The following FTO variants were observed in gnomAD, a reference collection of about 807,000 sequenced individuals.
FTO encodes FTO alpha-ketoglutarate dependent dioxygenase.
FTO carries 47 observed loss-of-function variants against 63.9 expected under a neutral mutation model. The ratio of observed to expected loss-of-function variants is 0.74; its 90% confidence interval spans 0.58 to 0.94. The LOEUF is 0.94. Ranked by LOEUF, FTO falls within the 40% of genes least tolerant of loss-of-function variation. The pLI is 0.00. For missense variants in FTO, 562 were observed against 618.1 expected (o/e 0.91, Z 0.96); for synonymous variants, 207 against 224.4 (o/e 0.92, Z 0.69).
chr16:53,794,600 C>T (rs2078012699), intron 1 of FTO, among the ~76,000 whole-genome samples: 1 of 152,102 alleles, frequency 6.6e-6, no homozygotes, highest in Admixed American at 6.5e-5. Context: ...AATAAAGGCT[C>T]CACATGGAGG....
chr16:53,720,668 T>A (rs2076018876), intron 1 of FTO, among the ~76,000 whole-genome samples: 1 of 147,948 alleles, frequency 6.8e-6, no homozygotes, highest in Non-Finnish European at 1.5e-5. Context: ...TTTATATATA[T>A]ATAAAAGATA....
rs549845722 is a variant in FTO, at chr16:53,705,471, A to G, written c.45+1242A>G. On this transcript the variant is annotated intron_variant, in intron 1 of 8. Transcript: ENST00000471389. The stretch of plus-strand genomic sequence containing the variant: ...CCTTTGCACATGTCATTTGCTGCCT[A>G]CTCTATGTTAGGCAAATATTGGCAG... Among the ~76,000 whole-genome samples the G allele has an allele frequency of 2.0e-5, 3 of 152,212 alleles. No individual in the cohort carries two copies. In the South Asian group the frequency reaches 6.2e-4, roughly 32 times the overall value.
chr16:54,019,576 A>G (rs143313063), intron 8 of FTO, among the ~76,000 whole-genome samples: 307 of 152,290 alleles, frequency 2.0e-3, no homozygotes, highest in Non-Finnish European at 3.5e-3. Context: ...ACATTTTCCT[A>G]AAAACCTATC....
chr16:53,750,120 T>C (rs2076750012), intron 1 of FTO, among the ~76,000 whole-genome samples: 1 of 152,250 alleles, frequency 6.6e-6, no homozygotes, highest in African/African-American at 2.4e-5. Flanking sequence ...GAATTTTAAA[T>C]TGCATTTGGC....
At chr16:53,851,458 CAAAA>C (rs35951870) in intron 4 of FTO, among the ~76,000 whole-genome samples, 1 of 114,600 alleles carries the variant, frequency 8.7e-6, no homozygotes, top group African/African-American at 3.2e-5. Flanking sequence ...GACTCCGTCT[CAAAA>C]AAAAAAAAAG....
intron 8 of FTO, among the ~76,000 whole-genome samples, chr16:54,036,636 TG>T (rs1426308177): frequency 6.6e-6 from 1 of 152,248 alleles, no homozygotes; most frequent in East Asian, 1.9e-4. Context: ...AGAGCCTTTG[TG>T]CTAAGCAGGA....
At chr16:53,913,808 A>G (rs1304379154) in intron 7 of FTO, among the ~76,000 whole-genome samples, 9 of 151,818 alleles carry the variant, frequency 5.9e-5, no homozygotes, top group African/African-American at 1.9e-4. Flanking sequence ...GTGAAACCCT[A>G]TCTCTACTAA....
rs1308791565 is a variant in FTO, at chr16:54,118,871, A to G, written c.*6956A>G. The G allele has an allele frequency of 1.3e-5, 2 of 152,222 alleles. No individual in the cohort carries two copies. Among genetic ancestry groups the G allele is most frequent in the South Asian group, 2.1e-4 (1 of 4,826 alleles). The allele number at this position is 152,222 out of a possible 1,614,324, so 9.4% of individuals were successfully genotyped here. A position where few individuals can be genotyped will look rare whatever the true frequency, so the allele number is the denominator to read the frequency against. ...TTTGGAAAAAGGCTTTGTAAATGCTAAAGTCCTACTCAAGTCCAAGGGAGA... is the reference window on the plus strand; with the variant it reads ...TTTGGAAAAAGGCTTTGTAAATGCTGAAGTCCTACTCAAGTCCAAGGGAGA... On this transcript the variant is annotated 3_prime_UTR_variant, in exon 9 of 9. Transcript: ENST00000471389.
At chr16:53,886,098 G>A (rs2080989269) in intron 6 of FTO, among the ~76,000 whole-genome samples, 1 of 152,172 alleles carries the variant, frequency 6.6e-6, no homozygotes, top group Non-Finnish European at 1.5e-5. Context: ...TCCAAGGGAA[G>A]ATGAAGGCAT....
At chr16:54,049,421 A>G (rs1599272765) in intron 8 of FTO, among the ~76,000 whole-genome samples, 1 of 152,190 alleles carries the variant, frequency 6.6e-6, no homozygotes, top group East Asian at 1.9e-4. Context: ...GTGGTCACCC[A>G]GAGAGGAAAA....
intron 2 of FTO, among the ~76,000 whole-genome samples, chr16:53,811,570 G>GC (rs2078524062): frequency 1.3e-5 from 2 of 151,920 alleles, no homozygotes; most frequent in South Asian, 2.1e-4. Flanking sequence ...TTTCCTCTTT[G>GC]CCCCCCTTCA....
At chr16:53,724,404 A>G (rs971341010) in intron 1 of FTO, among the ~76,000 whole-genome samples, 9 of 152,246 alleles carry the variant, frequency 5.9e-5, no homozygotes, top group Admixed American at 3.9e-4. Flanking sequence ...AGACCAGTCT[A>G]TAGTGCTGGT....
At chr16:53,749,179 T>C (rs1224188474) in intron 1 of FTO, among the ~76,000 whole-genome samples, 1 of 152,246 alleles carries the variant, frequency 6.6e-6, no homozygotes, top group Non-Finnish European at 1.5e-5. Context: ...TGCAGCTTAA[T>C]TGTATTCATT....
At chr16:53,828,852 C>T (rs947825103) in intron 3 of FTO, among the ~76,000 whole-genome samples, 1 of 152,086 alleles carries the variant, frequency 6.6e-6, no homozygotes, top group African/African-American at 2.4e-5. Context: ...ATTTCTTATC[C>T]CAGCAGTGTA....
chr16:53,829,398 G>C (rs527787212), intron 3 of FTO, among the ~76,000 whole-genome samples: 27 of 152,232 alleles, frequency 1.8e-4, no homozygotes, highest in Middle Eastern at 3.2e-3. Context: ...GTGTCTGGCT[G>C]TGTGTCAGAC....
Position 54,112,383 on chromosome 16 carries a change from A to C in FTO, c.*468A>C. On this transcript the variant is annotated 3_prime_UTR_variant, in exon 9 of 9. Coordinates refer to ENST00000471389, the MANE Select transcript of FTO (RefSeq NM_001080432.3). ...AGCTAGCTGTGGCTACTTCAATTTA[A>C]ATTCAGTTTTAATTTTAATTAAAAA... 5.4e-6 allele frequency: 1 copy of C among 183,534 alleles called. No individual in the cohort carries two copies. The highest frequency in any genetic ancestry group is 1.2e-5 in the Non-Finnish European group (1 of 86,686). 11.4% of individuals were successfully genotyped at this position (183,534 alleles called of 1,614,324 possible).
intron 1 of FTO, among the ~76,000 whole-genome samples, chr16:53,772,284 G>A (rs1320927632): frequency 2.6e-5 from 4 of 151,820 alleles, no homozygotes. Flanking sequence ...TTCCTGCCAT[G>A]GGCCTTTGTA....
intron 3 of FTO, among the ~76,000 whole-genome samples, chr16:53,827,753 G>C (rs984710503): frequency 6.6e-6 from 1 of 152,118 alleles, no homozygotes; most frequent in African/African-American, 2.4e-5. Flanking sequence ...TAAGAAAATC[G>C]CTTGAAGGGA....
chr16:53,841,232 G>A (rs995527063), intron 3 of FTO, among the ~76,000 whole-genome samples: 22 of 151,112 alleles, frequency 1.5e-4, no homozygotes, highest in African/African-American at 4.4e-4. Flanking sequence ...CTAAAAAGCC[G>A]CAACCAGCCA....
Sources: gnomAD v4.1 joint callset for allele counts (sites outside exome capture counted in the v4.1 genomes callset) on GRCh38, gnomAD v4.1.1 for gene constraint, MANE v1.5 for transcripts, NCBI Gene and HGNC (gene_info 2026-07-23, HGNC 2026-07-21) for gene names.